ROBO1: variants seen among roughly 807,000 people sequenced by gnomAD.
ROBO1 encodes roundabout homolog 1.
A neutral mutation model predicts 195.9 loss-of-function variants in ROBO1; 149 were observed. The observed-to-expected ratio is 0.76, with a 90% CI of 0.67 to 0.87. The LOEUF is 0.87. Among genes scored for constraint, ROBO1 ranks in the 40% least tolerant of loss-of-function variants. The pLI is 0.00. For missense variants in ROBO1, 1,933 were observed against 2,068.3 expected, an observed-to-expected ratio of 0.93 and a Z score of 1.27; for synonymous variants, 816 against 733.2, an observed-to-expected ratio of 1.11 and a Z score of -1.82.
At chr3:79,135,791 C>T (rs190621901) in intron 2 of ROBO1, among the ~76,000 whole-genome samples, 2 of 152,148 alleles carry the variant, frequency 1.3e-5, no homozygotes, top group Admixed American at 6.5e-5. Context: ...GCATGTGGCA[C>T]CACGCCCGGC....
At chr3:79,364,114 G>A (rs2035872180) in intron 2 of ROBO1, among the ~76,000 whole-genome samples, 1 of 151,900 alleles carries the variant, frequency 6.6e-6, no homozygotes, top group Non-Finnish European at 1.5e-5. Context: ...TGAGGCAGGA[G>A]AATGGCGTGA....
At chr3:79,611,611 A>G (rs555458364) in intron 1 of ROBO1, among the ~76,000 whole-genome samples, 94 of 152,274 alleles carry the variant, frequency 6.2e-4, no homozygotes, top group African/African-American at 2.1e-3. Flanking sequence ...GCTGGAAACC[A>G]TCATTCTCAG....
intron 26 of ROBO1, among the ~76,000 whole-genome samples, chr3:78,626,887 T>C (rs1704827137): frequency 6.6e-6 from 1 of 152,134 alleles, no homozygotes; most frequent in Non-Finnish European, 1.5e-5. Context: ...TGTGACATTA[T>C]AGTTATGAGG....
chr3:78,764,570 G>T (rs775081139), intron 4 of ROBO1, among the ~76,000 whole-genome samples: 13 of 152,100 alleles, frequency 8.5e-5, no homozygotes, highest in Non-Finnish European at 1.5e-4. Context: ...TTATCTTATA[G>T]TTTTCCCATT....
At chr3:79,424,246 ATC>A (rs894857560) in intron 2 of ROBO1, among the ~76,000 whole-genome samples, 4 of 152,262 alleles carry the variant, frequency 2.6e-5, no homozygotes, top group African/African-American at 9.6e-5. Flanking sequence ...CTCAGCTCTG[ATC>A]TAGATTATTC....
At chr3:79,100,780 G>C (rs2079661319) in intron 3 of ROBO1, among the ~76,000 whole-genome samples, 2 of 151,760 alleles carry the variant, frequency 1.3e-5, no homozygotes, top group African/African-American at 2.4e-5. Flanking sequence ...CCAGATTTAA[G>C]CAGAAGGGCG....
chr3:78,764,224 C>T (rs905921407), intron 4 of ROBO1, among the ~76,000 whole-genome samples: 4 of 152,052 alleles, frequency 2.6e-5, no homozygotes, highest in Non-Finnish European at 5.9e-5. Flanking sequence ...TGAATCATAG[C>T]ATGTTTTAGT....
chr3:78,806,201 T>C (rs1045626294), intron 4 of ROBO1, among the ~76,000 whole-genome samples: 6 of 152,220 alleles, frequency 3.9e-5, no homozygotes, highest in Admixed American at 3.3e-4. Context: ...CTTAAATTCC[T>C]GGCCTTCAGT....
intron 4 of ROBO1, among the ~76,000 whole-genome samples, chr3:78,812,978 A>G (rs1343573631): frequency 6.6e-6 from 1 of 152,118 alleles, no homozygotes. Flanking sequence ...CATTTTTACC[A>G]TCTTTGTAGA....
At chr3:79,112,310 C>T (rs781525201) in intron 3 of ROBO1, among the ~76,000 whole-genome samples, 8 of 152,090 alleles carry the variant, frequency 5.3e-5, no homozygotes, top group Non-Finnish European at 1.2e-4. Context: ...GGCATTTGCA[C>T]TCCAGAGAAG....
At chr3:78,750,719 G>A (rs979361125) in intron 4 of ROBO1, among the ~76,000 whole-genome samples, 1 of 152,090 alleles carries the variant, frequency 6.6e-6, no homozygotes, top group African/African-American at 2.4e-5. Flanking sequence ...AGTGTTCCAA[G>A]TAATATGGAG....
chr3:79,464,244 T>G (rs963804720), intron 2 of ROBO1, among the ~76,000 whole-genome samples: 7 of 152,234 alleles, frequency 4.6e-5, no homozygotes, highest in Non-Finnish European at 7.3e-5. Flanking sequence ...TAAAAGTTTT[T>G]TGTGTATTAA....
chr3:79,293,415 T>C (rs2032381045), intron 2 of ROBO1, among the ~76,000 whole-genome samples: 2 of 152,198 alleles, frequency 1.3e-5, no homozygotes, highest in Admixed American at 6.5e-5. Flanking sequence ...TCTTGTCTTC[T>C]GCTAGCTTTT....
chr3:79,075,577 T>C (rs745802773), intron 3 of ROBO1, among the ~76,000 whole-genome samples: 6 of 151,996 alleles, frequency 3.9e-5, no homozygotes, highest in Non-Finnish European at 5.9e-5. Context: ...CAGGATTTTA[T>C]AGTGGCACCA....
intron 4 of ROBO1, among the ~76,000 whole-genome samples, chr3:78,803,183 C>A (rs899813857): frequency 2.0e-5 from 3 of 152,126 alleles, no homozygotes; most frequent in Non-Finnish European, 4.4e-5. Context: ...AATCAACCTG[C>A]CTGATCTTAA....
intron 18 of ROBO1, among the ~76,000 whole-genome samples, chr3:78,653,493 A>G (rs571364241): frequency 7.2e-5 from 11 of 152,296 alleles, no homozygotes; most frequent in Admixed American, 3.9e-4. Context: ...TCAACAGCAA[A>G]AAGTCCTCAG....
At chr3:79,711,794 A>G (rs530971232) in intron 1 of ROBO1, among the ~76,000 whole-genome samples, 120 of 152,112 alleles carry the variant, frequency 7.9e-4, no homozygotes, top group Non-Finnish European at 1.5e-3. Context: ...TTCTTACATT[A>G]TGCGTTCCCT....
intron 2 of ROBO1, among the ~76,000 whole-genome samples, chr3:79,543,660 A>G (rs528302526): frequency 6.6e-6 from 1 of 152,024 alleles, no homozygotes; most frequent in Non-Finnish European, 1.5e-5. Flanking sequence ...GCATACATAC[A>G]TTTTTTTCCT....
At chr3:79,260,994 A>G (rs890956462) in intron 2 of ROBO1, among the ~76,000 whole-genome samples, 2 of 152,112 alleles carry the variant, frequency 1.3e-5, no homozygotes, top group Non-Finnish European at 2.9e-5. Context: ...CTCTATTCAC[A>G]ATACTTGTAC....
Sources: gnomAD v4.1 joint callset for allele counts (sites outside exome capture counted in the v4.1 genomes callset) on GRCh38, gnomAD v4.1.1 for gene constraint, MANE v1.5 for transcripts, NCBI Gene and HGNC (gene_info 2026-07-23, HGNC 2026-07-21) for gene names.